The following ZFP28 variants were observed in gnomAD, a reference collection of about 807,000 sequenced individuals.
The protein encoded by ZFP28 is zinc finger protein 28 homolog.
ZFP28 carries 31 observed loss-of-function variants against 39.5 expected under a neutral mutation model. The ratio of observed to expected loss-of-function variants is 0.79; its 90% CI spans 0.59 to 1.06. The LOEUF (loss-of-function observed/expected upper bound fraction) is 1.06, where lower values mean the gene tolerates loss of function less well. ZFP28 is among the 50% of genes least tolerant of loss of function. The pLI is 0.00. For missense variants in ZFP28, 925 were observed against 1,048.4 expected (o/e 0.88, Z 1.63); for synonymous variants, 400 against 378.6 (o/e 1.06, Z -0.66).
chr19:56,550,570 TG>T lies in ZFP28; in HGVS notation c.865del (p.Val289Ter), dbSNP rs2044290573. The T allele has an allele frequency of 6.2e-7, 1 of 1,614,024 alleles. No individual in the cohort carries two copies. The highest frequency in any genetic ancestry group is 1.1e-5 in the South Asian group (1 of 91,078). ...CTAGAGCAAGAGAAGGAGCCCTGGA[TG>T]GTGAAGCGAGAGCTGACAGGAAGCC... ...SLLEQEKEPW[M>X]VKRELTGSLF... On this transcript the variant is annotated frameshift_variant, in exon 7 of 8. Transcript: ENST00000301318. LOFTEE classifies it low-confidence loss of function (END_TRUNC).
At position 56,538,986 on chromosome 19, in the gene ZFP28, C is replaced by A; in HGVS notation, c.-33C>A. 4.4e-6 allele frequency: 6 copies of A among 1,367,580 alleles called. No homozygotes were observed. Among genetic ancestry groups the A allele is most frequent in the Non-Finnish European group, 5.6e-6 (6 of 1,065,730 alleles). The allele number at this position is 1,367,580 out of a possible 1,614,324, so 84.7% of individuals were successfully genotyped here. A position where few individuals can be genotyped will look rare whatever the true frequency, so the allele number is the denominator to read the frequency against. On this transcript the variant is annotated 5_prime_UTR_variant, in exon 1 of 8. Transcript: ENST00000301318. ...CCAGGGGTGTGGGTCTGTGAGGGAC[C>A]GGTCGGAAGGGCGTCGCGCGGCCTC...
At chr19:56,544,531 T>A (rs1358304791) in intron 2 of ZFP28, 1 of 152,236 alleles carries the variant, frequency 6.6e-6, no homozygotes, top group Non-Finnish European at 1.5e-5. Context: ...TCTGGCTCTT[T>A]ACAGAAAAAC....
At chr19:56,551,684 A>G in intron 7 of ZFP28, 2 of 985,330 alleles carry the variant, frequency 2.0e-6, no homozygotes, top group Admixed American at 6.1e-5. Context: ...GGTTATTTAC[A>G]TGAAAACTTT....
At chr19:56,539,522 T>C in intron 1 of ZFP28, 103 bp from the exon 2 acceptor site, 1 of 999,714 alleles carries the variant, frequency 1.0e-6, no homozygotes, top group Admixed American at 2.1e-5. Flanking sequence ...CTAGGCAGGG[T>C]AATGATCTGA....
chr19:56,550,471 A>G (rs757185218), intron 6 of ZFP28, 39 bp from the exon 7 acceptor site: 1 of 1,568,958 alleles, frequency 6.4e-7, no homozygotes, highest in Non-Finnish European at 8.7e-7. Flanking sequence ...TAGGATGCCA[A>G]GACTATTGGC....
intron 1 of ZFP28, 139 bp downstream of exon 1, chr19:56,539,365 A>C (rs904078579): frequency 1.0e-6 from 1 of 987,766 alleles, no homozygotes; most frequent in African/African-American, 1.6e-5. Flanking sequence ...GAGTGGGAGA[A>C]TCTGAAGATT....
intron 2 of ZFP28, among the ~76,000 whole-genome samples, chr19:56,540,522 A>T (rs1438554977): frequency 6.6e-6 from 1 of 152,152 alleles, no homozygotes; most frequent in East Asian, 1.9e-4. Flanking sequence ...CAGTTGTCCT[A>T]CCCAAACTGC....
At position 56,547,971 on chromosome 19, in the gene ZFP28, C is replaced by A; in HGVS notation, c.523+69C>A. On this transcript the variant is annotated intron_variant, in intron 4 of 7. Coordinates refer to ENST00000301318, the MANE Select transcript of ZFP28 (RefSeq NM_020828.2). This position sits in a 1 kb window ranked among gnomAD's most constrained non-coding sequence, Gnocchi z 4.6. ...TAGTTCAGCTGACTCAGACACGCAA[C>A]ATCTTCAGCAGACTCTTCCTAAGCC... 6.9e-7 allele frequency: 1 copy of A among 1,442,814 alleles called. No homozygotes were observed. Among genetic ancestry groups the A allele is most frequent in the South Asian group, 1.2e-5 (1 of 83,330 alleles). 89.4% of individuals were successfully genotyped at this position (1,442,814 alleles called of 1,614,324 possible). A position where few individuals can be genotyped will look rare whatever the true frequency, so the allele number is the denominator to read the frequency against.
chr19:56,538,079 T>G (rs1456100784), upstream of ZFP28: 15 of 152,086 alleles, frequency 9.9e-5, no homozygotes, highest in Admixed American at 9.8e-4. Context: ...AGACGAAAAT[T>G]TGGGGTTAGA....
intron 2 of ZFP28, chr19:56,545,788 C>T (rs891100920): frequency 1.3e-5 from 2 of 152,150 alleles, no homozygotes; most frequent in Non-Finnish European, 2.9e-5. Context: ...GGCTTGGATA[C>T]TTTGAAGGGA....
intron 2 of ZFP28, among the ~76,000 whole-genome samples, chr19:56,544,995 G>C (rs1183658027): frequency 6.6e-6 from 1 of 152,172 alleles, no homozygotes; most frequent in Admixed American, 6.5e-5. Context: ...TGGGAAACTA[G>C]GGTTGATTCT....
At chr19:56,544,666 C>G (rs2044224181) in intron 2 of ZFP28, 1 of 152,152 alleles carries the variant, frequency 6.6e-6, no homozygotes, top group Admixed American at 6.5e-5. Flanking sequence ...ATTTTCTCAT[C>G]TGTAAAATGG....
Position 56,555,542 on chromosome 19 carries a change from T to A in ZFP28, c.*150T>A. 6 of 1,133,080 alleles carry A rather than the reference T, an allele frequency of 5.3e-6. No individual in the cohort carries two copies. The highest frequency in any genetic ancestry group is 6.2e-6 in the Non-Finnish European group (5 of 807,962). 70.2% of individuals were successfully genotyped at this position (1,133,080 alleles called of 1,614,324 possible). On this transcript the variant is annotated 3_prime_UTR_variant, in exon 8 of 8. Coordinates refer to ENST00000301318, the MANE Select transcript of ZFP28 (RefSeq NM_020828.2). ...CCTCTTGTAAAACTTATAGTTTCTT[T>A]AAATTGGTTAATGTGTGAGATGTGC...
chr19:56,553,558 T>C, intron 7 of ZFP28, 126 bp from the exon 8 acceptor site: 1 of 1,275,520 alleles, frequency 7.8e-7, no homozygotes, highest in Non-Finnish European at 1.1e-6. Flanking sequence ...TAATAGTTTT[T>C]AGAGCTGTAA....
chr19:56,542,571 T>C (rs894540520), intron 2 of ZFP28, among the ~76,000 whole-genome samples: 1 of 152,246 alleles, frequency 6.6e-6, no homozygotes, highest in Non-Finnish European at 1.5e-5. Flanking sequence ...TCTCAGTTTC[T>C]CTTGTCTCAT....
chr19:56,551,479 T>C, intron 7 of ZFP28: 1 of 985,180 alleles, frequency 1.0e-6, no homozygotes, highest in Non-Finnish European at 1.2e-6. Context: ...ATACCATTGC[T>C]CACTTAGGTT....
chr19:56,550,199 C>A lies in ZFP28; in HGVS notation c.802+18C>A. 1 of 1,592,230 alleles carries A rather than the reference C, an allele frequency of 6.3e-7. No homozygotes were observed. On this transcript the variant is annotated intron_variant, in intron 6 of 7. Coordinates refer to ENST00000301318, the MANE Select transcript of ZFP28 (RefSeq NM_020828.2). ...ATCAGCAGGTAAGGATGTCCCTCTCCCATATTTGAATCTATCGTCGGGTAC... is the reference window on the plus strand; with the variant it reads ...ATCAGCAGGTAAGGATGTCCCTCTCACATATTTGAATCTATCGTCGGGTAC...
chr19:56,554,288 G>C lies in ZFP28; in HGVS notation c.1503G>C (p.Gly501=). The C allele has an allele frequency of 6.2e-7, 1 of 1,614,130 alleles. No homozygotes were observed. Among genetic ancestry groups the C allele is most frequent in the South Asian group, 1.1e-5 (1 of 91,082 alleles). ...GTCACTGGAGATACTATCATACTGG[G>C]GAGAAACCCTTTGATTGCATCGATT... The part of the protein sequence containing the change: ...LIRHWRYYHT[G]EKPFDCIDCG... Residue 501 remains glycine, a synonymous_variant, in exon 8 of 8, where the codon GGG becomes GGC. Transcript: ENST00000301318. This position sits in a 1 kb window ranked among gnomAD's most constrained non-coding sequence, Gnocchi z 6.7.
intron 5 of ZFP28, among the ~76,000 whole-genome samples, 197 bp from the exon 6 acceptor site, chr19:56,549,870 C>CCT (rs1176745380): frequency 1.3e-5 from 2 of 152,240 alleles, no homozygotes; most frequent in African/African-American, 4.8e-5. Flanking sequence ...GAAAGTTTCT[C>CCT]CTATTTTTCT....
Sources: gnomAD v4.1 joint callset for allele counts (sites outside exome capture counted in the v4.1 genomes callset) on GRCh38, gnomAD v4.1.1 for gene constraint, Gnocchi (gnomAD v3.1) non-coding constraint, MANE v1.5 for transcripts, NCBI Gene and HGNC (gene_info 2026-07-23, HGNC 2026-07-21) for gene names.